The following CSMD1 variants were observed in gnomAD, a reference collection of about 807,000 sequenced individuals.
CSMD1 encodes the protein CUB and Sushi multiple domains 1, also known as CUB and sushi domain-containing protein 1.
A neutral mutation model predicts 417.5 loss-of-function variants in CSMD1; 213 were observed. That is an observed-to-expected ratio of 0.51 (90% CI 0.46 to 0.57). CSMD1 has a LOEUF of 0.57. CSMD1 is among the 20% of genes least tolerant of loss of function. The pLI, the probability that CSMD1 is intolerant of heterozygous loss-of-function variation, is 0.00. For synonymous variants in CSMD1, 2,862 were observed against 1,736.8 expected (o/e 1.65, Z -16.11); for missense variants, 6,923 against 4,529.7 (o/e 1.53, Z -15.17).
rs1393683857 is a variant in CSMD1 at position 4,586,465 on chromosome 8, T to C, written c.302+50877A>G. On this transcript the variant is annotated intron_variant, in intron 2 of 69. Transcript: ENST00000635120. The stretch of plus-strand genomic sequence containing the variant: ...GTTTCAAATTCATAACTGTGATATT[T>C]ACTGGTTTAATGATAAAAATCACAC... 6.6e-5 allele frequency among the ~76,000 whole-genome samples: 10 copies of C among 152,346 alleles called. No individual in the cohort carries two copies. The East Asian group carries it at 1.7e-3, about 26-fold the overall frequency.
chr8:4,492,441 T>C (rs758544910), intron 2 of CSMD1, among the ~76,000 whole-genome samples: 3 of 152,190 alleles, frequency 2.0e-5, no homozygotes, highest in Non-Finnish European at 4.4e-5. Context: ...ACTCAAATTA[T>C]ATTTTACATC....
chr8:4,431,784 T>G (rs1009738671), intron 2 of CSMD1, among the ~76,000 whole-genome samples: 1 of 152,142 alleles, frequency 6.6e-6, no homozygotes, highest in Middle Eastern at 3.2e-3. Context: ...GTATTAGAAA[T>G]GTAGCAAATG....
intron 1 of CSMD1, among the ~76,000 whole-genome samples, chr8:4,764,482 G>T (rs960323402): frequency 6.6e-6 from 1 of 152,034 alleles, no homozygotes; most frequent in African/African-American, 2.4e-5. Context: ...AAAGTATTAA[G>T]TCGAGAAGAC....
chr8:3,813,300 T>C (rs1697954876), intron 5 of CSMD1, among the ~76,000 whole-genome samples: 1 of 152,186 alleles, frequency 6.6e-6, no homozygotes, highest in Non-Finnish European at 1.5e-5. Flanking sequence ...GTATAACCTT[T>C]AATATCTGCT....
intron 41 of CSMD1, among the ~76,000 whole-genome samples, chr8:3,141,557 A>G (rs78620683): frequency 0.026 from 3,946 of 152,196 alleles, 90 homozygotes; most frequent in South Asian, 0.082. Flanking sequence ...GAACCTCCCC[A>G]AATTGCTCCT....
At chr8:4,588,252 G>A (rs1461181807) in intron 2 of CSMD1, among the ~76,000 whole-genome samples, 1 of 151,944 alleles carries the variant, frequency 6.6e-6, no homozygotes, top group Middle Eastern at 3.2e-3. Context: ...GCCGTCAGAA[G>A]ACAGTAACTT....
chr8:2,953,280 G>C (rs1802760087), intron 65 of CSMD1, among the ~76,000 whole-genome samples: 2 of 151,968 alleles, frequency 1.3e-5, no homozygotes, highest in African/African-American at 2.4e-5. Flanking sequence ...ATTCAGATTG[G>C]AGAAATTCCT....
intron 5 of CSMD1, among the ~76,000 whole-genome samples, chr8:3,976,273 A>G (rs994465465): frequency 6.6e-6 from 1 of 151,980 alleles, no homozygotes; most frequent in East Asian, 1.9e-4. Context: ...CTTCTTAATT[A>G]TTTTTAGCTG....
chr8:4,132,417 C>T (rs944548797), intron 3 of CSMD1, among the ~76,000 whole-genome samples: 3 of 151,924 alleles, frequency 2.0e-5, no homozygotes, highest in African/African-American at 7.3e-5. Flanking sequence ...ATGATGTTTA[C>T]CCATAGAAAC....
chr8:4,056,093 T>TC (rs1287397371), intron 3 of CSMD1, among the ~76,000 whole-genome samples: 1 of 147,626 alleles, frequency 6.8e-6, no homozygotes, highest in Non-Finnish European at 1.5e-5. Flanking sequence ...TTTTTTTTTT[T>TC]TTTTTTGAGA....
At chr8:4,188,604 T>C (rs751971194) in intron 3 of CSMD1, among the ~76,000 whole-genome samples, 4 of 152,124 alleles carry the variant, frequency 2.6e-5, no homozygotes, top group Non-Finnish European at 5.9e-5. Flanking sequence ...ACTGCAAGCT[T>C]AAGATTCTGT....
In CSMD1 at chr8:3,309,020, G is replaced by A. The variant is rs555045882; in HGVS notation, c.3632-517C>T. Among the ~76,000 whole-genome samples the A allele has an allele frequency of 5.3e-5, 8 of 152,128 alleles. No individual in the cohort carries two copies. The East Asian group carries it at 9.7e-4, about 18-fold the overall frequency. On this transcript the variant is annotated intron_variant, in intron 23 of 69. Coordinates refer to ENST00000635120, the MANE Select transcript of CSMD1 (RefSeq NM_033225.6). ...ATTACAGGCGTGAGCCACTGCGCCC[G>A]GCCCCTCAAGCTCTTGTTTTCCGGA...
chr8:3,706,682 T>G (rs145938937), intron 7 of CSMD1, among the ~76,000 whole-genome samples: 1 of 152,158 alleles, frequency 6.6e-6, no homozygotes, highest in Non-Finnish European at 1.5e-5. Context: ...CAACCTGATA[T>G]TGATTTAATG....
At chr8:3,423,717 G>A (rs971319595) in intron 12 of CSMD1, among the ~76,000 whole-genome samples, 1 of 152,126 alleles carries the variant, frequency 6.6e-6, no homozygotes, top group African/African-American at 2.4e-5. Context: ...GTCTTTGTGT[G>A]GAAATGTGTT....
At chr8:4,461,901 C>T (rs1006811826) in intron 2 of CSMD1, among the ~76,000 whole-genome samples, 2 of 151,826 alleles carry the variant, frequency 1.3e-5, no homozygotes, top group Non-Finnish European at 2.9e-5. Context: ...CCACCACGCC[C>T]GGCTAATTTT....
rs201221091 is a variant in CSMD1 at position 3,181,206 on chromosome 8, C to T, written c.5629G>A (p.Val1877Ile). ...GAAGTACTGTTCAGCAGTGCCGGTA[C>T]TGTGGTGCCTGTAAGAAACAATGCA... ...PRLGSFSGTT[V>I]PALLNSTSNQ... The change falls in exon 37 of 70, where the codon GTA becomes ATA. Residue 1877 changes from valine (V) to isoleucine (I), a missense_variant. Val to Ile is a conservative substitution (Grantham distance 29, BLOSUM62 3). Coordinates refer to ENST00000635120, the MANE Select transcript of CSMD1 (RefSeq NM_033225.6). 68 of 1,610,876 alleles carry T rather than the reference C, an allele frequency of 4.2e-5. No individual in the cohort carries two copies. The highest frequency in any genetic ancestry group is 1.8e-4 in the East Asian group (8 of 44,864).
chr8:4,126,200 C>A (rs896205660), intron 3 of CSMD1, among the ~76,000 whole-genome samples: 15 of 152,138 alleles, frequency 9.9e-5, no homozygotes, highest in Non-Finnish European at 2.1e-4. Flanking sequence ...AAACCCTGAT[C>A]CCCAAATGCT....
At chr8:3,607,999 G>T (rs748521752) in intron 8 of CSMD1, among the ~76,000 whole-genome samples, 3 of 152,052 alleles carry the variant, frequency 2.0e-5, no homozygotes, top group African/African-American at 7.2e-5. Flanking sequence ...GGAAAACCCT[G>T]TCTCTACTAA....
intron 11 of CSMD1, among the ~76,000 whole-genome samples, chr8:3,492,799 T>C (rs188195280): frequency 9.9e-5 from 15 of 151,854 alleles, no homozygotes; most frequent in Admixed American, 5.9e-4. Context: ...GGAATCAGAG[T>C]TCTTCAAAGG....
Sources: gnomAD v4.1 joint callset for allele counts (sites outside exome capture counted in the v4.1 genomes callset) on GRCh38, gnomAD v4.1.1 for gene constraint, MANE v1.5 for transcripts, NCBI Gene and HGNC (gene_info 2026-07-23, HGNC 2026-07-21) for gene names.